The following OPCML variants were observed in gnomAD, a reference collection of about 807,000 sequenced individuals.
OPCML encodes the protein opioid-binding protein/cell adhesion molecule.
In OPCML, 13 loss-of-function variants were observed where a neutral mutation model predicts 37.8. The ratio of observed to expected loss-of-function variants is 0.34; its 90% CI spans 0.22 to 0.55. The LOEUF is 0.55. OPCML is among the 20% of genes least tolerant of loss of function. OPCML has a pLI of 0.91. For synonymous variants in OPCML, 176 were observed against 168.8 expected (o/e 1.04, Z -0.33); for missense variants, 341 against 435.6 (o/e 0.78, Z 1.93).
At chr11:133,073,929 A>C (rs1321963237) in intron 1 of OPCML, among the ~76,000 whole-genome samples, 1 of 152,242 alleles carries the variant, frequency 6.6e-6, no homozygotes, top group Non-Finnish European at 1.5e-5. Flanking sequence ...CCAAGGTCAC[A>C]GAAGTGGTAA....
intron 2 of OPCML, among the ~76,000 whole-genome samples, chr11:132,762,811 A>T (rs1946310511): frequency 6.6e-6 from 1 of 151,860 alleles, no homozygotes; most frequent in Non-Finnish European, 1.5e-5. Flanking sequence ...CCCCCTTTCC[A>T]GGGGAGTTAA....
chr11:133,356,880 T>A (rs1263366594), intron 1 of OPCML, among the ~76,000 whole-genome samples: 1 of 152,180 alleles, frequency 6.6e-6, no homozygotes, highest in Non-Finnish European at 1.5e-5. Flanking sequence ...AGCTGACAGT[T>A]TATCTCCAAG....
At chr11:133,082,744 G>A (rs1219886446) in intron 1 of OPCML, among the ~76,000 whole-genome samples, 7 of 145,182 alleles carry the variant, frequency 4.8e-5, no homozygotes, top group African/African-American at 1.5e-4. Context: ...CCCGCGGCCC[G>A]TCCCGCCGCT....
chr11:133,307,849 G>GTTTT (rs765416360), intron 1 of OPCML, among the ~76,000 whole-genome samples: 1 of 145,904 alleles, frequency 6.9e-6, no homozygotes. Context: ...TTGTTTCCAA[G>GTTTT]TTTTTTTTTT....
chr11:133,120,899 T>TA (rs1949409915), intron 1 of OPCML, among the ~76,000 whole-genome samples: 1 of 152,136 alleles, frequency 6.6e-6, no homozygotes, highest in Non-Finnish European at 1.5e-5. Context: ...TCTACTTACT[T>TA]ACGGTAATTC....
chr11:133,030,279 T>C (rs959312778), intron 1 of OPCML, among the ~76,000 whole-genome samples: 1 of 152,192 alleles, frequency 6.6e-6, no homozygotes, highest in African/African-American at 2.4e-5. Context: ...CTAACACAAT[T>C]ATACGCAAAG....
intron 1 of OPCML, chr11:133,006,334 C>T (rs1410138495): frequency 1.2e-5 from 8 of 651,478 alleles, no homozygotes; most frequent in African/African-American, 4.0e-5. Flanking sequence ...CCAATAAAAC[C>T]CTATCTTACT....
intron 4 of OPCML, among the ~76,000 whole-genome samples, chr11:132,453,091 T>C (rs143479044): frequency 5.9e-5 from 9 of 152,338 alleles, no homozygotes; most frequent in Middle Eastern, 3.4e-3. Context: ...TGTTATGACT[T>C]CCTTGACTTT....
intron 7 of OPCML, among the ~76,000 whole-genome samples, chr11:132,435,408 A>G (rs2096009654): frequency 6.6e-6 from 1 of 152,216 alleles, no homozygotes. Flanking sequence ...AAACAAATAC[A>G]TATGCACATA....
At position 132,415,495 on chromosome 11, in the gene OPCML, G is replaced by GAT. The variant is rs2095935548; in HGVS notation, c.*4696_*4697dup. ...TGCAGTACATAGCATTGTTATTACT[G>GAT]ATAGCTTTATAAATCTGCCAAATAA... On this transcript the variant is annotated 3_prime_UTR_variant, in exon 8 of 8. Transcript: ENST00000524381. 6.6e-6 allele frequency: 1 copy of GAT among 152,126 alleles called. No individual in the cohort carries two copies. The highest frequency in any genetic ancestry group is 2.4e-5 in the African/African-American group (1 of 41,418). 9.4% of individuals were successfully genotyped at this position (152,126 alleles called of 1,614,324 possible).
intron 2 of OPCML, among the ~76,000 whole-genome samples, chr11:132,854,184 T>A (rs571372127): frequency 1.3e-5 from 2 of 152,142 alleles, no homozygotes; most frequent in African/African-American, 2.4e-5. Flanking sequence ...AATACAGGGA[T>A]TTTTTTAAAG....
intron 1 of OPCML, among the ~76,000 whole-genome samples, chr11:132,954,648 G>A (rs573960120): frequency 3.7e-4 from 56 of 152,258 alleles, no homozygotes; most frequent in Middle Eastern, 3.4e-3. Flanking sequence ...TGGATATTTC[G>A]GTGTTGAGCC....
intron 1 of OPCML, among the ~76,000 whole-genome samples, chr11:133,494,940 G>A (rs190372224): frequency 6.6e-6 from 1 of 152,070 alleles, no homozygotes; most frequent in Admixed American, 6.5e-5. Context: ...AGTTATTGGG[G>A]TACAGGTGGT....
Position 132,719,415 on chromosome 11 carries a change from G to A in OPCML, c.147-62096C>T, listed in dbSNP as rs574461703. ...GAGAACCTGAGGTCAATGTGTCAAC[G>A]CTGCTCCAGACATGGGGGAGGGGTG... On this transcript the variant is annotated intron_variant, in intron 2 of 7. Coordinates refer to ENST00000524381, the MANE Select transcript of OPCML (RefSeq NM_001012393.5). Among the ~76,000 whole-genome samples, 11 of 152,314 alleles carry A rather than the reference G, an allele frequency of 7.2e-5. 1 individual carries two copies. In the South Asian group the frequency reaches 1.7e-3, roughly 23 times the overall value.
intron 2 of OPCML, among the ~76,000 whole-genome samples, chr11:132,910,857 G>A (rs775479625): frequency 1.3e-5 from 2 of 152,108 alleles, no homozygotes; most frequent in Non-Finnish European, 2.9e-5. Flanking sequence ...AAACCCTCAG[G>A]ACCATTGTGG....
At chr11:132,765,157 G>C (rs878920037) in intron 2 of OPCML, among the ~76,000 whole-genome samples, 1 of 152,148 alleles carries the variant, frequency 6.6e-6, no homozygotes, top group Admixed American at 6.5e-5. Flanking sequence ...AAGACTGTAC[G>C]GCTCTAGAGC....
In OPCML at chr11:133,058,409, A is replaced by G. The variant is rs371254618; in HGVS notation, c.62-115399T>C. Among the ~76,000 whole-genome samples, 15 of 152,286 alleles carry G rather than the reference A, an allele frequency of 9.8e-5. No homozygotes were observed. In the East Asian group the frequency reaches 2.1e-3, roughly 22 times the overall value. On this transcript the variant is annotated intron_variant, in intron 1 of 7. Coordinates refer to ENST00000524381, the MANE Select transcript of OPCML (RefSeq NM_001012393.5). The stretch of plus-strand genomic sequence containing the variant: ...CATGTTTGCAGACTGGGGCGGGGGC[A>G]CGCGGGGTGCATCCTGATACACACA...
rs1240334766 is a variant in OPCML at position 133,173,462 on chromosome 11, A to G, written c.62-230452T>C. Among the ~76,000 whole-genome samples, 1 of 152,210 alleles carries G rather than the reference A, an allele frequency of 6.6e-6. No homozygotes were observed. The highest frequency in any genetic ancestry group is 2.4e-5 in the African/African-American group (1 of 41,456). On this transcript the variant is annotated intron_variant, in intron 1 of 7. Transcript: ENST00000524381. The surrounding 1 kb of genome is among the most constrained non-coding windows in gnomAD (Gnocchi z 7.8). ...TGAACAAATAAATAAATGAGCAACC[A>G]CTAGCCACAGATGGATTCCTAGAAT...
At chr11:132,828,920 C>T (rs953011674) in intron 2 of OPCML, among the ~76,000 whole-genome samples, 40 of 152,260 alleles carry the variant, frequency 2.6e-4, no homozygotes, top group Non-Finnish European at 1.3e-4. Flanking sequence ...GTAGGTGCCT[C>T]GTTTTCTCCA....
Sources: gnomAD v4.1 joint callset for allele counts (sites outside exome capture counted in the v4.1 genomes callset) on GRCh38, gnomAD v4.1.1 for gene constraint, Gnocchi (gnomAD v3.1) non-coding constraint, MANE v1.5 for transcripts, NCBI Gene and HGNC (gene_info 2026-07-23, HGNC 2026-07-21) for gene names.